Variants in DAAM2 observed in about 807,000 individuals in gnomAD.
DAAM2 encodes the protein dishevelled associated activator of morphogenesis 2.
In DAAM2, 39 loss-of-function variants were observed where a neutral mutation model predicts 120.7. That is an observed-to-expected ratio of 0.32 (90% CI 0.25 to 0.42). The LOEUF (loss-of-function observed/expected upper bound fraction) is 0.42, where lower values mean the gene tolerates loss of function less well. Ranked by LOEUF, DAAM2 falls within the 10% of genes least tolerant of loss-of-function variation. DAAM2 has a pLI of 1.00. For synonymous variants in DAAM2, 488 were observed against 524.9 expected, an observed-to-expected ratio of 0.93 and a Z score of 0.96; for missense variants, 1,283 against 1,401.7, an observed-to-expected ratio of 0.92 and a Z score of 1.35.
intron 2 of DAAM2, among the ~76,000 whole-genome samples, chr6:39,857,091 A>G (rs898793513): frequency 2.0e-5 from 3 of 152,220 alleles, no homozygotes; most frequent in African/African-American, 7.2e-5. Flanking sequence ...ACCAGCTTTC[A>G]GACTGCCCTT....
chr6:39,801,260 A>T (rs963923136), intron 1 of DAAM2, among the ~76,000 whole-genome samples: 1 of 152,214 alleles, frequency 6.6e-6, no homozygotes, highest in African/African-American at 2.4e-5. Context: ...GTTTTTAGGC[A>T]ACCCTCAACT....
At position 39,891,745 on chromosome 6, in the gene DAAM2, G is replaced by A. The variant is rs112054225; in HGVS notation, c.2341+23G>A. 9.6e-3 allele frequency: 15,134 copies of A among 1,570,198 alleles called. 119 individuals are homozygous for A. Among genetic ancestry groups the A allele is most frequent in the Middle Eastern group, 0.035 (209 of 5,976 alleles). ...AAGGTAGGGCTGAGGGTTGCAGGAG[G>A]CTTAGAGTGGAGAGTTATCTGAGAA... is the stretch of plus-strand genomic sequence containing the variant. On this transcript the variant is annotated intron_variant, in intron 19 of 24. Transcript: ENST00000274867.
chr6:39,833,852 G>T (rs1763007558), intron 1 of DAAM2, among the ~76,000 whole-genome samples: 1 of 152,174 alleles, frequency 6.6e-6, no homozygotes, highest in Non-Finnish European at 1.5e-5. Flanking sequence ...TTTTCCTTGT[G>T]AAATCCTCTG....
At chr6:39,842,155 A>G (rs1447539399) in intron 1 of DAAM2, among the ~76,000 whole-genome samples, 11 of 152,072 alleles carry the variant, frequency 7.2e-5, no homozygotes, top group Admixed American at 7.2e-4. Flanking sequence ...TGGGCCATGA[A>G]GGTTCATTCC....
chr6:39,814,884 C>T (rs556222939), intron 1 of DAAM2, among the ~76,000 whole-genome samples: 2 of 152,224 alleles, frequency 1.3e-5, no homozygotes, highest in East Asian at 3.9e-4. Flanking sequence ...CTCTCCTCCT[C>T]CATTCTCTTC....
At chr6:39,799,690 G>C (rs899234629) in intron 1 of DAAM2, among the ~76,000 whole-genome samples, 1 of 152,116 alleles carries the variant, frequency 6.6e-6, no homozygotes, top group East Asian at 1.9e-4. Context: ...ATGACACTAG[G>C]CAGGTCATTT....
intron 1 of DAAM2, chr6:39,819,411 T>A (rs1762413558): frequency 6.6e-6 from 1 of 152,238 alleles, no homozygotes; most frequent in Non-Finnish European, 1.5e-5. Context: ...TTGACACATC[T>A]AATGCCTATT....
chr6:39,876,704 A>AGG (rs1252791543), intron 11 of DAAM2, among the ~76,000 whole-genome samples: 9 of 112,424 alleles, frequency 8.0e-5, no homozygotes, highest in East Asian at 3.6e-4. Context: ...TGGAATGGGA[A>AGG]GGGTGTGTGT....
intron 1 of DAAM2, chr6:39,822,256 A>G (rs1270678749): frequency 2.6e-5 from 4 of 152,254 alleles, no homozygotes; most frequent in African/African-American, 9.7e-5. Context: ...GCTCAGGTAC[A>G]GTTTGGAGGG....
chr6:39,857,333 G>A (rs1764047833), intron 2 of DAAM2, among the ~76,000 whole-genome samples: 1 of 152,226 alleles, frequency 6.6e-6, no homozygotes, highest in Non-Finnish European at 1.5e-5. Context: ...AGGCCATGTG[G>A]TTGGAATGTG....
chr6:39,867,814 G>C lies in DAAM2; in HGVS notation c.733G>C (p.Val245Leu), dbSNP rs114233535. 1.1e-3 allele frequency: 1,807 copies of C among 1,607,924 alleles called. 15 individuals are homozygous for C. In the African/African-American group the frequency reaches 0.021, roughly 18 times the overall value. Residue 245 changes from valine (V) to leucine (L), a missense_variant, in exon 6 of 25, where the codon GTG becomes CTG. This residue lies in a region of DAAM2 where 338 missense variants were observed against 443.9 expected (regional missense o/e 0.76). Transcript: ENST00000274867. ...KVLQAMLHYQ[V>L]YAAERTRFQT... ...GCTGCAGGCCATGCTGCACTACCAGGTGTATGCAGCAGAGCGAACCCGCTT... is the reference window on the plus strand; with the variant it reads ...GCTGCAGGCCATGCTGCACTACCAGCTGTATGCAGCAGAGCGAACCCGCTT...
chr6:39,892,501 G>A (rs768280028), intron 19 of DAAM2, among the ~76,000 whole-genome samples: 8 of 152,194 alleles, frequency 5.3e-5, no homozygotes, highest in Non-Finnish European at 1.0e-4. Context: ...TGCCTGTGCT[G>A]ATGGCACAGC....
rs563887451 is a variant in DAAM2 at position 39,903,393 on chromosome 6, A to T, written c.*1356A>T. On this transcript the variant is annotated 3_prime_UTR_variant, in exon 25 of 25. Coordinates refer to ENST00000274867, the MANE Select transcript of DAAM2 (RefSeq NM_001201427.2). ...ATTTGGTTCTTCAGCCCAACTTGCA[A>T]GGGGTTCCTTCTGGTCCTCCCATCC... 6.6e-6 allele frequency: 1 copy of T among 152,324 alleles called. No homozygotes were observed. The highest frequency in any genetic ancestry group is 2.1e-4 in the South Asian group (1 of 4,818). 9.4% of individuals were successfully genotyped at this position (152,324 alleles called of 1,614,324 possible).
chr6:39,806,421 C>G (rs1018737447), intron 1 of DAAM2, among the ~76,000 whole-genome samples: 1 of 152,140 alleles, frequency 6.6e-6, no homozygotes, highest in Admixed American at 6.5e-5. Context: ...ACCCATATAG[C>G]TATGTGCCTT....
intron 9 of DAAM2, among the ~76,000 whole-genome samples, chr6:39,871,961 G>T (rs930828311): frequency 1.4e-4 from 21 of 152,196 alleles, no homozygotes; most frequent in Admixed American, 1.2e-3. Context: ...AGAGCCTGCT[G>T]TTCTGATGTC....
chr6:39,855,906 C>T (rs1321906655), intron 1 of DAAM2: 3 of 377,438 alleles, frequency 7.9e-6, no homozygotes, highest in South Asian at 1.1e-4. Context: ...AGCCCGTCCA[C>T]ACATTTATGG....
At chr6:39,896,066 A>C (rs1227742857) in intron 19 of DAAM2, among the ~76,000 whole-genome samples, 1 of 152,198 alleles carries the variant, frequency 6.6e-6, no homozygotes, top group African/African-American at 2.4e-5. Flanking sequence ...AAACCAATAG[A>C]ATATAGCATT....
intron 1 of DAAM2, chr6:39,821,747 G>A (rs1022762753): frequency 6.6e-6 from 1 of 152,274 alleles, no homozygotes; most frequent in East Asian, 1.9e-4. Flanking sequence ...GATCCGGGAG[G>A]GGCAGATGTC....
At chr6:39,897,768 G>A (rs1303669746) in intron 21 of DAAM2, among the ~76,000 whole-genome samples, 1 of 152,134 alleles carries the variant, frequency 6.6e-6, no homozygotes, top group Non-Finnish European at 1.5e-5. Flanking sequence ...TATGAGCAAA[G>A]GGCCAGTCTG....
Sources: allele counts gnomAD v4.1 joint callset (sites outside exome capture counted in the v4.1 genomes callset), GRCh38; gene constraint gnomAD v4.1.1; regional missense constraint gnomAD v4.1.1; transcripts MANE v1.5; gene names NCBI Gene and HGNC (gene_info 2026-07-23, HGNC 2026-07-21).